Variants in SLC6A11 observed in about 807,000 individuals in gnomAD.
SLC6A11 encodes the protein sodium- and chloride-dependent GABA transporter 3.
A neutral mutation model predicts 74.8 loss-of-function variants in SLC6A11; 25 were observed. The observed-to-expected ratio is 0.33, with a 90% CI of 0.24 to 0.47. SLC6A11 has a LOEUF of 0.47. Ranked by LOEUF, SLC6A11 falls within the 20% of genes least tolerant of loss-of-function variation. The pLI is 1.00. For synonymous variants in SLC6A11, 330 were observed against 330.2 expected, an observed-to-expected ratio of 1.00 and a Z score of 0.01; for missense variants, 574 against 837.0, an observed-to-expected ratio of 0.69 and a Z score of 3.88.
intron 5 of SLC6A11, among the ~76,000 whole-genome samples, chr3:10,873,554 C>G (rs1269309587): frequency 8.9e-4 from 111 of 124,916 alleles, no homozygotes; most frequent in African/African-American, 2.7e-3. Flanking sequence ...CCTATCCTAC[C>G]CTACCCTACC....
intron 5 of SLC6A11, among the ~76,000 whole-genome samples, chr3:10,864,647 G>A (rs1351836766): frequency 6.6e-6 from 1 of 152,092 alleles, no homozygotes; most frequent in Admixed American, 6.5e-5. Flanking sequence ...AATTGGAGTA[G>A]ATCTTATTTG....
At chr3:10,882,121 C>A (rs534258317) in intron 6 of SLC6A11, among the ~76,000 whole-genome samples, 3 of 152,156 alleles carry the variant, frequency 2.0e-5, no homozygotes, top group Non-Finnish European at 4.4e-5. Flanking sequence ...GTCCTCCCTC[C>A]CGGCCAGTAA....
chr3:10,899,748 T>A (rs1695215278), intron 6 of SLC6A11, among the ~76,000 whole-genome samples: 1 of 152,354 alleles, frequency 6.6e-6, no homozygotes, highest in South Asian at 2.1e-4. Flanking sequence ...ATGGTGTCAT[T>A]TTCCTCCTTC....
chr3:10,874,834 G>A, intron 5 of SLC6A11, 127 bp from the exon 6 acceptor site: 1 of 872,780 alleles, frequency 1.1e-6, no homozygotes, highest in Non-Finnish European at 1.7e-6. Context: ...ATACACGCGG[G>A]GGAATGCTGG....
intron 6 of SLC6A11, among the ~76,000 whole-genome samples, chr3:10,886,326 T>C (rs950729126): frequency 6.6e-6 from 1 of 152,204 alleles, no homozygotes; most frequent in African/African-American, 2.4e-5. Flanking sequence ...CCCGTGGCCA[T>C]GGTCAAGGAG....
At chr3:10,843,851 G>A (rs1238867113) in intron 4 of SLC6A11, among the ~76,000 whole-genome samples, 1 of 152,200 alleles carries the variant, frequency 6.6e-6, no homozygotes, top group African/African-American at 2.4e-5. Context: ...AAGTTTGGCA[G>A]GGCAGGATGT....
intron 5 of SLC6A11, among the ~76,000 whole-genome samples, chr3:10,863,882 C>T (rs1229898548): frequency 3.3e-5 from 5 of 152,132 alleles, no homozygotes; most frequent in South Asian, 2.1e-4. Context: ...TTCGGGGCTT[C>T]GGAGTTGAAT....
At chr3:10,896,922 G>C (rs1210896346) in intron 6 of SLC6A11, among the ~76,000 whole-genome samples, 4 of 152,164 alleles carry the variant, frequency 2.6e-5, no homozygotes, top group Non-Finnish European at 5.9e-5. Flanking sequence ...CCCGAGACTG[G>C]ACAATTTATA....
At chr3:10,828,951 A>G (rs913237148) in intron 4 of SLC6A11, among the ~76,000 whole-genome samples, 4 of 152,172 alleles carry the variant, frequency 2.6e-5, no homozygotes, top group Non-Finnish European at 4.4e-5. Context: ...CTCAATAAAT[A>G]TTTGTTGAAA....
Position 10,906,923 on chromosome 3 carries a change from C to G in SLC6A11, c.892-5167C>G, listed in dbSNP as rs569868870. Among the ~76,000 whole-genome samples, 3 of 152,338 alleles carry G rather than the reference C, an allele frequency of 2.0e-5. No individual in the cohort carries two copies. In the South Asian group the frequency reaches 6.2e-4, roughly 32 times the overall value. ...TCTATCCTGGACCACTCTCATTCCT[C>G]TACGCAAGAAAATCCTCTCCTAAGA... On this transcript the variant is annotated intron_variant, in intron 6 of 13. Coordinates refer to ENST00000254488, the MANE Select transcript of SLC6A11 (RefSeq NM_014229.3).
intron 5 of SLC6A11, among the ~76,000 whole-genome samples, chr3:10,863,095 C>A (rs967628300): frequency 2.0e-5 from 3 of 152,222 alleles, no homozygotes; most frequent in Non-Finnish European, 2.9e-5. Flanking sequence ...CATGCACCAA[C>A]TATTTGCAGT....
At chr3:10,845,655 C>G (rs1694493577) in intron 5 of SLC6A11, among the ~76,000 whole-genome samples, 1 of 152,098 alleles carries the variant, frequency 6.6e-6, no homozygotes, top group Non-Finnish European at 1.5e-5. Flanking sequence ...GGAAGGAAGC[C>G]AAGGTGCTCC....
intron 4 of SLC6A11, among the ~76,000 whole-genome samples, chr3:10,828,373 G>A (rs1205021855): frequency 1.3e-5 from 2 of 152,148 alleles, no homozygotes; most frequent in Admixed American, 1.3e-4. Context: ...TGTTTTTCTG[G>A]TTTATCTTCA....
intron 6 of SLC6A11, among the ~76,000 whole-genome samples, chr3:10,877,232 T>G (rs772845590): frequency 4.6e-4 from 70 of 152,252 alleles, no homozygotes; most frequent in Non-Finnish European, 7.6e-4. Flanking sequence ...TATGGACCCC[T>G]GTGTCGGGGG....
At chr3:10,832,201 G>A (rs2106578412) in intron 4 of SLC6A11, among the ~76,000 whole-genome samples, 1 of 152,314 alleles carries the variant, frequency 6.6e-6, no homozygotes, top group East Asian at 1.9e-4. Context: ...GGCTCCTAGT[G>A]GCCCCGAGCA....
rs565930442 is a variant in SLC6A11 at position 10,912,024 on chromosome 3, C to T, written c.892-66C>T. On this transcript the variant is annotated intron_variant, in intron 6 of 13. Transcript: ENST00000254488. ...GAGTGTGGGTGGGGGATTTCAGAGACCAGGGCTACCCTCTCACCACACATC... is the reference window on the plus strand; with the variant it reads ...GAGTGTGGGTGGGGGATTTCAGAGATCAGGGCTACCCTCTCACCACACATC... 5 of 1,079,594 alleles carry T rather than the reference C, an allele frequency of 4.6e-6. No homozygotes were observed. The South Asian group carries it at 6.3e-5, about 14-fold the overall frequency. The allele number at this position is 1,079,594 out of a possible 1,614,324, so 66.9% of individuals were successfully genotyped here.
intron 6 of SLC6A11, among the ~76,000 whole-genome samples, chr3:10,907,879 T>G (rs2629124): frequency 1 from 152,376 of 152,376 alleles, 76,188 homozygotes; most frequent in Non-Finnish European, 1. Flanking sequence ...TGGAAAACAT[T>G]CTACAGATAA....
At chr3:10,870,821 T>G (rs1392074273) in intron 5 of SLC6A11, among the ~76,000 whole-genome samples, 1 of 152,210 alleles carries the variant, frequency 6.6e-6, no homozygotes, top group Non-Finnish European at 1.5e-5. Flanking sequence ...AACCTCAGCT[T>G]ACAAATGATT....
chr3:10,932,673 C>A (rs764396517), intron 10 of SLC6A11, among the ~76,000 whole-genome samples: 2 of 152,206 alleles, frequency 1.3e-5, no homozygotes, highest in Non-Finnish European at 2.9e-5. Context: ...AGGAGGGCAG[C>A]AGCCGTGACT....
Sources: gnomAD v4.1 joint callset for allele counts (sites outside exome capture counted in the v4.1 genomes callset) on GRCh38, gnomAD v4.1.1 for gene constraint, MANE v1.5 for transcripts, NCBI Gene and HGNC (gene_info 2026-07-23, HGNC 2026-07-21) for gene names.